Variants in SCYL3 observed in about 807,000 individuals in gnomAD.
SCYL3 encodes the protein SCY1 like pseudokinase 3, also known as protein-associating with the carboxyl-terminal domain of ezrin.
A neutral mutation model predicts 73.8 loss-of-function variants in SCYL3; 35 were observed. The observed-to-expected ratio is 0.47, with a 90% CI of 0.36 to 0.63. The LOEUF (loss-of-function observed/expected upper bound fraction) is 0.63. SCYL3 is among the 20% of genes least tolerant of loss of function. The pLI, the probability that SCYL3 is intolerant of heterozygous loss-of-function variation, is 0.00. For missense variants in SCYL3, 712 were observed against 798.9 expected, an observed-to-expected ratio of 0.89 and a Z score of 1.31; for synonymous variants, 277 against 295.2, an observed-to-expected ratio of 0.94 and a Z score of 0.63.
At chr1:169,863,174 G>T (rs1396926577) in intron 9 of SCYL3, among the ~76,000 whole-genome samples, 4 of 152,170 alleles carry the variant, frequency 2.6e-5, no homozygotes, top group Admixed American at 6.5e-5. Flanking sequence ...GTGTCCCAAA[G>T]TGCTGGGATT....
Position 169,882,898 on chromosome 1 carries a change from C to T in SCYL3, c.166-4079G>A, listed in dbSNP as rs928697591. The stretch of plus-strand genomic sequence containing the variant: ...CTCTACCAGTCAGCAGGATGTGGGT[C>T]GGGCCGGATAAGAGAATAAAAGCAG... On this transcript the variant is annotated intron_variant, in intron 2 of 12. Transcript: ENST00000367771. Among the ~76,000 whole-genome samples the T allele has an allele frequency of 9.2e-5, 14 of 152,214 alleles. No homozygotes were observed. The East Asian group carries it at 1.2e-3, about 13-fold the overall frequency.
chr1:169,886,973 A>G (rs1571459325), intron 2 of SCYL3, among the ~76,000 whole-genome samples: 1 of 152,178 alleles, frequency 6.6e-6, no homozygotes, highest in Non-Finnish European at 1.5e-5. Context: ...AACTCTAGAG[A>G]AAGTGAGGCA....
At position 169,854,637 on chromosome 1, in the gene SCYL3, G is replaced by T. The variant is rs201470077; in HGVS notation, c.1640C>A (p.Pro547His). 1.9e-6 allele frequency: 3 copies of T among 1,614,040 alleles called. No individual in the cohort carries two copies. The highest frequency in any genetic ancestry group is 2.5e-6 in the Non-Finnish European group (3 of 1,179,974). The change falls in exon 12 of 13, where the codon CCT (proline) becomes CAT (histidine). Residue 547 changes from proline to histidine, a missense_variant. Pro to His is a moderately conservative substitution (Grantham distance 77). Transcript: ENST00000367771. ...TKPVTSGEQK[P>H]IPALLSLTEE... ...AGTGAGTGAAAGCAAAGCAGGAATA[G>T]GCTTCTGCTCCCCTGAGGTAACAGG...
At chr1:169,883,710 T>C (rs6694855) in intron 2 of SCYL3, among the ~76,000 whole-genome samples, 33,958 of 143,676 alleles carry the variant, frequency 0.24, 4,336 homozygotes, top group Middle Eastern at 0.33. Context: ...GTTTCTCCAA[T>C]TACATTTTTT....
intron 3 of SCYL3, 25 bp from the exon 4 acceptor site, chr1:169,876,116 A>G: frequency 7.4e-7 from 1 of 1,352,456 alleles, no homozygotes; most frequent in Non-Finnish European, 1.0e-6. Flanking sequence ...GAACAGAAGG[A>G]AGAGTGCCAC....
chr1:169,888,140 G>C (rs1230257238), intron 2 of SCYL3, among the ~76,000 whole-genome samples: 1 of 152,168 alleles, frequency 6.6e-6, no homozygotes, highest in Non-Finnish European at 1.5e-5. Flanking sequence ...AAAGACACTT[G>C]GGGTTATTTT....
chr1:169,850,709 T>C lies in SCYL3; in HGVS notation c.*3004A>G, dbSNP rs1571349961. 1.1e-5 allele frequency: 2 copies of C among 174,090 alleles called. No homozygotes were observed. Among genetic ancestry groups the C allele is most frequent in the East Asian group, 1.5e-4 (1 of 6,838 alleles). The allele number at this position is 174,090 out of a possible 1,614,324, so 10.8% of individuals were successfully genotyped here. A position where few individuals can be genotyped will look rare whatever the true frequency, so the allele number is the denominator to read the frequency against. On this transcript the variant is annotated 3_prime_UTR_variant, in exon 13 of 13. Coordinates refer to ENST00000367771, the MANE Select transcript of SCYL3 (RefSeq NM_020423.7). ...TACTCGGGAGGCTGAGGCAGGAGAA[T>C]TGCTTGAACTGGGGAGGTAGAGATT...
chr1:169,875,843 T>A, intron 4 of SCYL3, 135 bp downstream of exon 4: 1 of 459,190 alleles, frequency 2.2e-6, no homozygotes, highest in Non-Finnish European at 3.9e-6. Flanking sequence ...ATTCTATAAA[T>A]GAGGGCACTG....
chr1:169,880,086 A>G (rs10919262), intron 2 of SCYL3, among the ~76,000 whole-genome samples: 96,318 of 151,386 alleles, frequency 0.64, 31,041 homozygotes, highest in Middle Eastern at 0.78. Flanking sequence ...TGGGCAACAC[A>G]GTGAAATCTC....
chr1:169,890,666 G>A (rs1250863721), intron 1 of SCYL3, among the ~76,000 whole-genome samples: 1 of 152,202 alleles, frequency 6.6e-6, no homozygotes, highest in Admixed American at 6.5e-5. Context: ...ATCTAAAATT[G>A]AAGATTTTCA....
intron 5 of SCYL3, among the ~76,000 whole-genome samples, chr1:169,871,471 C>T (rs577684398): frequency 6.6e-6 from 1 of 152,280 alleles, no homozygotes; most frequent in South Asian, 2.1e-4. Context: ...TGTAAATTGC[C>T]CAGTCTTGGG....
rs1657929781 is a variant in SCYL3, at chr1:169,850,163, T to C, written c.*3550A>G. On this transcript the variant is annotated 3_prime_UTR_variant, in exon 13 of 13. Transcript: ENST00000367771. ...TTTGAGGATCCTCTGGGACTCTTAC[T>C]TAAAATGAATTTTTGGTTAAGGTAG... 2 of 700,630 alleles carry C rather than the reference T, an allele frequency of 2.9e-6. No homozygotes were observed. The highest frequency in any genetic ancestry group is 2.6e-5 in the Admixed American group (1 of 38,906). The allele number at this position is 700,630 out of a possible 1,614,324, so 43.4% of individuals were successfully genotyped here.
In SCYL3 at chr1:169,854,671, C is replaced by G; in HGVS notation, c.1606G>C (p.Ala536Pro). 6.2e-7 allele frequency: 1 copy of G among 1,614,058 alleles called. No homozygotes were observed. Among genetic ancestry groups the G allele is most frequent in the Non-Finnish European group, 8.5e-7 (1 of 1,179,962 alleles). ...TCCCCTGAGGTAACAGGTTTTGTAGCAGTGATTCCACCTCCTGGGTTTACT... is the reference window on the plus strand; with the variant it reads ...TCCCCTGAGGTAACAGGTTTTGTAGGAGTGATTCCACCTCCTGGGTTTACT... Reference protein sequence around the residue: ...TKVNPGGGITATKPVTSGEQK... With the variant: ...TKVNPGGGITPTKPVTSGEQK... Residue 536 changes from alanine (A) to proline (P), a missense_variant, in exon 12 of 13, where the codon GCT (alanine) becomes CCT (proline). Coordinates refer to ENST00000367771, the MANE Select transcript of SCYL3 (RefSeq NM_020423.7).
intron 8 of SCYL3, among the ~76,000 whole-genome samples, chr1:169,864,786 C>T (rs1659911693): frequency 6.6e-6 from 1 of 151,922 alleles, no homozygotes; most frequent in Non-Finnish European, 1.5e-5. Flanking sequence ...ATGGTGAAAC[C>T]CCATCTCTAC....
intron 10 of SCYL3, among the ~76,000 whole-genome samples, chr1:169,859,428 A>G (rs929367192): frequency 4.6e-5 from 7 of 152,222 alleles, no homozygotes; most frequent in African/African-American, 9.6e-5. Flanking sequence ...AAAAAATACA[A>G]TCAAAACAAA....
rs1015353387 is a variant in SCYL3, at chr1:169,849,748, T to A, written c.*3965A>T. ...GAAGGGTACATTACTCGTTATCTCT[T>A]TTACAGCTTCTCAAAATGAGGCTTA... On this transcript the variant is annotated 3_prime_UTR_variant, in exon 13 of 13. Transcript: ENST00000367771. The A allele has an allele frequency of 6.4e-5, 40 of 629,454 alleles. No homozygotes were observed. The Middle Eastern group carries it at 1.3e-3, about 20-fold the overall frequency. The allele number at this position is 629,454 out of a possible 1,614,324, so 39.0% of individuals were successfully genotyped here. A position where few individuals can be genotyped will look rare whatever the true frequency, so the allele number is the denominator to read the frequency against.
chr1:169,886,448 T>C (rs1004546916), intron 2 of SCYL3, among the ~76,000 whole-genome samples: 2 of 152,158 alleles, frequency 1.3e-5, no homozygotes, highest in Non-Finnish European at 2.9e-5. Flanking sequence ...GACTAACCCT[T>C]CCACAACAGC....
At position 169,850,980 on chromosome 1, in the gene SCYL3, C is replaced by CTTTGTTTTTTTTTTTTTTTTT. The variant is rs1658113077; in HGVS notation, c.*2732_*2733insAAAAAAAAAAAAAAAAACAAA. ...TATTTTGGGTATAATTTAGGCATGG[C>CTTTGTTTTTTTTTTTTTTTTT]TTTTTTTTTTTTTTTTTTTTTTTTT... is the stretch of plus-strand genomic sequence containing the variant. On this transcript the variant is annotated 3_prime_UTR_variant, in exon 13 of 13. Transcript: ENST00000367771. 3.2e-5 allele frequency: 1 copy of CTTTGTTTTTTTTTTTTTTTTT among 31,570 alleles called. No homozygotes were observed. Among genetic ancestry groups the CTTTGTTTTTTTTTTTTTTTTT allele is most frequent in the Non-Finnish European group, 4.9e-5 (1 of 20,246 alleles). The allele number at this position is 31,570 out of a possible 1,614,324, so 2.0% of individuals were successfully genotyped here. A position where few individuals can be genotyped will look rare whatever the true frequency, so the allele number is the denominator to read the frequency against.
At position 169,878,500 on chromosome 1, in the gene SCYL3, C is replaced by T. The variant is rs1661010736; in HGVS notation, c.351+134G>A. On this transcript the variant is annotated intron_variant, in intron 3 of 12. Transcript: ENST00000367771. ...TGCCTTCCAACATGCTATTTTTCCT[C>T]AGGAAGTTTTCTAATAATAACACTT... The T allele has an allele frequency of 3.9e-6, 3 of 760,072 alleles. No homozygotes were observed. The East Asian group carries it at 8.8e-5, about 22-fold the overall frequency. The allele number at this position is 760,072 out of a possible 1,614,324, so 47.1% of individuals were successfully genotyped here.
Sources: allele counts gnomAD v4.1 joint callset (sites outside exome capture counted in the v4.1 genomes callset), GRCh38; gene constraint gnomAD v4.1.1; transcripts MANE v1.5; gene names NCBI Gene and HGNC (gene_info 2026-07-23, HGNC 2026-07-21).